Variants in CCDC171 observed in about 807,000 individuals in gnomAD.
CCDC171 encodes the protein coiled-coil domain containing 171.
Under a neutral mutation model 168.2 loss-of-function variants are expected in CCDC171, and 177 were observed. That is an observed-to-expected ratio of 1.05 (90% CI 0.93 to 1.19). The LOEUF (loss-of-function observed/expected upper bound fraction) is 1.19. Among genes scored for constraint, CCDC171 ranks in the 50% most tolerant of loss-of-function variants. The pLI is 0.00. For synonymous variants in CCDC171, 687 were observed against 540.8 expected, an observed-to-expected ratio of 1.27 and a Z score of -3.75; for missense variants, 1,991 against 1,539.0, an observed-to-expected ratio of 1.29 and a Z score of -4.91.
At chr9:15,570,869 C>A (rs1053544231) in intron 2 of CCDC171, among the ~76,000 whole-genome samples, 7 of 152,140 alleles carry the variant, frequency 4.6e-5, no homozygotes, top group Non-Finnish European at 1.0e-4. Context: ...GATCCAGAGA[C>A]CGTCTGTTTT....
At chr9:15,628,270 C>G (rs2045343093) in intron 7 of CCDC171, among the ~76,000 whole-genome samples, 1 of 151,842 alleles carries the variant, frequency 6.6e-6, no homozygotes, top group African/African-American at 2.4e-5. Flanking sequence ...GTTCCCTTTC[C>G]TAGTCAAAGA....
Position 15,846,876 on chromosome 9 carries a change from T to C in CCDC171, c.3413+29T>C, listed in dbSNP as rs766055965. The C allele has an allele frequency of 3.8e-6, 6 of 1,574,642 alleles. 1 individual carries two copies. In the South Asian group the frequency reaches 4.6e-5, roughly 12 times the overall value. ...AGCATTTGGACCTTGGGGAGATCAC[T>C]TAAAACAGACAAAAGATCAATTCTT... On this transcript the variant is annotated intron_variant, in intron 22 of 25. Coordinates refer to ENST00000380701, the MANE Select transcript of CCDC171 (RefSeq NM_173550.4).
chr9:15,798,500 A>G (rs141885848), intron 21 of CCDC171, among the ~76,000 whole-genome samples: 125 of 152,268 alleles, frequency 8.2e-4, no homozygotes, highest in African/African-American at 3.0e-3. Flanking sequence ...ACATAGGTAT[A>G]CATTTACCGT....
intron 24 of CCDC171, among the ~76,000 whole-genome samples, chr9:15,877,073 GT>G (rs1817940689): frequency 6.6e-6 from 1 of 152,118 alleles, no homozygotes; most frequent in Non-Finnish European, 1.5e-5. Flanking sequence ...GAGTACCTTT[GT>G]TCTCTGAACC....
At chr9:16,016,569 G>C (rs538062940) in intron 3 of CCDC171, among the ~76,000 whole-genome samples, 16 of 152,174 alleles carry the variant, frequency 1.1e-4, no homozygotes, top group Admixed American at 2.0e-4. Context: ...GGATGAGGTC[G>C]GTGAGCCACT....
chr9:15,790,820 G>A (rs1588513079), intron 21 of CCDC171, among the ~76,000 whole-genome samples: 1 of 152,292 alleles, frequency 6.6e-6, no homozygotes, highest in South Asian at 2.1e-4. Context: ...CGTATGGCTA[G>A]CCAGTTTTCT....
chr9:15,625,918 A>G (rs1030706668), intron 7 of CCDC171, among the ~76,000 whole-genome samples: 6 of 152,072 alleles, frequency 3.9e-5, no homozygotes, highest in African/African-American at 1.4e-4. Context: ...GAGTATGGCC[A>G]TTTTCACGAT....
In CCDC171 at chr9:15,715,846, A is replaced by ATTAT. The variant is rs1397770405; in HGVS notation, c.1319-5919_1319-5916dup. 2.0e-5 allele frequency among the ~76,000 whole-genome samples: 3 copies of ATTAT among 152,188 alleles called. No individual in the cohort carries two copies. In the East Asian group the frequency reaches 5.8e-4, roughly 29 times the overall value. ...CAATGATTTATATGAGTTATGAAAA[A>ATTAT]TTATTTAGTTTTTGAGATTGTCTAA... On this transcript the variant is annotated intron_variant, in intron 11 of 25. Transcript: ENST00000380701.
chr9:15,878,470 A>G (rs1818157391), intron 24 of CCDC171, among the ~76,000 whole-genome samples: 1 of 152,200 alleles, frequency 6.6e-6, no homozygotes, highest in Admixed American at 6.5e-5. Context: ...TTAAAAAGTC[A>G]AAAAATAACA....
At chr9:15,677,685 A>G (rs1383649007) in intron 9 of CCDC171, among the ~76,000 whole-genome samples, 1 of 150,822 alleles carries the variant, frequency 6.6e-6, no homozygotes, top group African/African-American at 2.4e-5. Context: ...CAGAATGTAA[A>G]CACAGTTTAA....
rs115407755 is a variant in CCDC171, at chr9:15,782,993, A to G, written c.3082-1516A>G. ...TATTAACTTAGGTAAATCATTAGAC[A>G]TCTGTTTTTATGCTACACTATTGGC... On this transcript the variant is annotated intron_variant, in intron 20 of 25. Coordinates refer to ENST00000380701, the MANE Select transcript of CCDC171 (RefSeq NM_173550.4). Among the ~76,000 whole-genome samples, 783 of 152,302 alleles carry G rather than the reference A, an allele frequency of 5.1e-3. 8 individuals are homozygous for G. The highest frequency in any genetic ancestry group is 0.018 in the African/African-American group (741 of 41,562).
At chr9:15,925,552 T>C (rs1353648689) in intron 25 of CCDC171, among the ~76,000 whole-genome samples, 2 of 151,614 alleles carry the variant, frequency 1.3e-5, no homozygotes, top group Non-Finnish European at 1.5e-5. Flanking sequence ...CAGATTTGCA[T>C]TTTAAAAAAG....
chr9:15,630,225 A>T (rs2045561886), intron 7 of CCDC171, among the ~76,000 whole-genome samples: 1 of 152,248 alleles, frequency 6.6e-6, no homozygotes, highest in African/African-American at 2.4e-5. Context: ...TAAAAGACAC[A>T]GACTGGCAAA....
At chr9:16,002,277 G>C (rs2987040) in intron 3 of CCDC171, among the ~76,000 whole-genome samples, 126,160 of 151,608 alleles carry the variant, frequency 0.83, 52,575 homozygotes, top group East Asian at 0.96. Flanking sequence ...GAGATGACAA[G>C]TCAATGTGTG....
chr9:16,075,602 TA>T, the CCDC171 span, among the ~76,000 whole-genome samples: 1 of 152,150 alleles, frequency 6.6e-6, no homozygotes. Flanking sequence ...ATCCCACTCC[TA>T]AAGAGGGACA....
chr9:15,763,857 A>T (rs899535986), intron 18 of CCDC171, among the ~76,000 whole-genome samples: 8 of 152,208 alleles, frequency 5.3e-5, no homozygotes, highest in African/African-American at 1.9e-4. Flanking sequence ...AGTATTATGA[A>T]TAAATCTGAT....
chr9:16,032,962 C>T (rs899502434), intron 6 of CCDC171, among the ~76,000 whole-genome samples: 1 of 152,118 alleles, frequency 6.6e-6, no homozygotes, highest in African/African-American at 2.4e-5. Context: ...CCCCAAGATC[C>T]ACATTCTTAG....
intron 23 of CCDC171, among the ~76,000 whole-genome samples, chr9:15,852,194 C>T (rs1472669074): frequency 6.6e-6 from 1 of 151,782 alleles, no homozygotes; most frequent in Non-Finnish European, 1.5e-5. Context: ...TTTAAATCTC[C>T]ACCATTATGG....
intron 21 of CCDC171, among the ~76,000 whole-genome samples, chr9:15,832,594 A>G (rs931893264): frequency 2.0e-5 from 3 of 152,202 alleles, no homozygotes; most frequent in African/African-American, 7.2e-5. Context: ...GGTATAGAAG[A>G]TAAAAATCAT....
Sources: gnomAD v4.1 joint callset for allele counts (sites outside exome capture counted in the v4.1 genomes callset) on GRCh38, gnomAD v4.1.1 for gene constraint, MANE v1.5 for transcripts, NCBI Gene and HGNC (gene_info 2026-07-23, HGNC 2026-07-21) for gene names.